Variants in WASF1 observed in about 807,000 individuals in gnomAD.
The protein encoded by WASF1 is actin-binding protein WASF1.
WASF1 carries 7 observed loss-of-function variants against 50.5 expected under a neutral mutation model. The observed-to-expected ratio is 0.14, with a 90% CI of 0.08 to 0.26. WASF1 has a LOEUF of 0.26. Ranked by LOEUF, WASF1 falls within the 10% of genes least tolerant of loss-of-function variation. The pLI is 1.00. For synonymous variants in WASF1, 205 were observed against 244.0 expected, an observed-to-expected ratio of 0.84 and a Z score of 1.49; for missense variants, 470 against 694.7, an observed-to-expected ratio of 0.68 and a Z score of 3.64.
At chr6:110,143,649 G>A (rs78934428) in intron 3 of WASF1, among the ~76,000 whole-genome samples, 11,073 of 152,032 alleles carry the variant, frequency 0.073, 549 homozygotes, top group African/African-American at 0.14. Context: ...AGATGTCACA[G>A]AAATAATTAC....
chr6:110,178,311 G>A (rs186952828), intron 2 of WASF1, among the ~76,000 whole-genome samples: 2 of 152,170 alleles, frequency 1.3e-5, no homozygotes, highest in Admixed American at 6.5e-5. Flanking sequence ...CAGAAACTTA[G>A]AGCATAAAGG....
Position 110,107,140 on chromosome 6 carries a change from A to G in WASF1, c.477T>C (p.Asp159=). The G allele has an allele frequency of 6.2e-7, 1 of 1,608,800 alleles. No individual in the cohort carries two copies. Among genetic ancestry groups the G allele is most frequent in the Non-Finnish European group, 8.5e-7 (1 of 1,178,636 alleles). The change falls in exon 7 of 11, where the codon GAT becomes GAC. Residue 159 remains aspartate (D), a synonymous_variant. Transcript: ENST00000392589. ...CTTGCAACATTTTTTCTTTCCATAG[A>G]TCAAAGAAATACGAAGGATTGGTAT... ...KFYTNPSYFF[D]LWKEKMLQDT...
chr6:110,145,605 G>T (rs192620086), intron 3 of WASF1, among the ~76,000 whole-genome samples: 16 of 152,082 alleles, frequency 1.1e-4, no homozygotes, highest in African/African-American at 3.6e-4. Context: ...TTTGTCATAG[G>T]TAGCTCTTAT....
At chr6:110,123,817 A>G (rs1009437328) in intron 4 of WASF1, among the ~76,000 whole-genome samples, 1 of 152,220 alleles carries the variant, frequency 6.6e-6, no homozygotes, top group Non-Finnish European at 1.5e-5. Context: ...TTATTCAACA[A>G]TTGGTAGGGA....
intron 4 of WASF1, among the ~76,000 whole-genome samples, chr6:110,122,239 C>CAAA (rs55836821): frequency 0.022 from 2,496 of 114,120 alleles, 75 homozygotes; most frequent in African/African-American, 0.072. Context: ...AAATGGAATC[C>CAAA]AAAAAAAAAA....
intron 5 of WASF1, among the ~76,000 whole-genome samples, chr6:110,111,246 T>C (rs192722799): frequency 6.6e-6 from 1 of 152,314 alleles, no homozygotes; most frequent in Non-Finnish European, 1.5e-5. Flanking sequence ...ATTTTGGCTA[T>C]AAATTATGTA....
chr6:110,153,925 G>A (rs1373627951), intron 3 of WASF1, among the ~76,000 whole-genome samples: 1 of 152,116 alleles, frequency 6.6e-6, no homozygotes, highest in Non-Finnish European at 1.5e-5. Flanking sequence ...TGATAAGAGG[G>A]ACTGTGCTTG....
chr6:110,112,490 A>G (rs1273152891), intron 5 of WASF1, among the ~76,000 whole-genome samples: 1 of 152,216 alleles, frequency 6.6e-6, no homozygotes, highest in African/African-American at 2.4e-5. Flanking sequence ...TTGGTATAGA[A>G]TGTTTACACC....
chr6:110,102,531 G>A (rs1366494083), intron 9 of WASF1, among the ~76,000 whole-genome samples: 1 of 152,092 alleles, frequency 6.6e-6, no homozygotes, highest in Non-Finnish European at 1.5e-5. Flanking sequence ...ATACTGACAG[G>A]AGTCTCTATA....
chr6:110,141,331 T>G (rs948982948), intron 3 of WASF1, among the ~76,000 whole-genome samples: 3 of 152,300 alleles, frequency 2.0e-5, no homozygotes, highest in Non-Finnish European at 4.4e-5. Context: ...CTTACTGTTT[T>G]ATAGTCCTGC....
At chr6:110,163,866 A>T (rs1776363084) in intron 2 of WASF1, among the ~76,000 whole-genome samples, 1 of 151,578 alleles carries the variant, frequency 6.6e-6, no homozygotes, top group Non-Finnish European at 1.5e-5. Flanking sequence ...GAAATAGAAA[A>T]ATAGTTCAAT....
At chr6:110,103,238 T>C (rs999521288) in intron 9 of WASF1, 140 bp downstream of exon 9, 3 of 814,442 alleles carry the variant, frequency 3.7e-6, no homozygotes, top group Non-Finnish European at 5.7e-6. Flanking sequence ...CTATGGTGGC[T>C]TTCATGCAAC....
chr6:110,119,174 G>A (rs1325351832), intron 4 of WASF1, among the ~76,000 whole-genome samples: 4 of 152,052 alleles, frequency 2.6e-5, no homozygotes, highest in Non-Finnish European at 5.9e-5. Flanking sequence ...GCTAGCAGAA[G>A]GCAAGAGATA....
chr6:110,130,239 C>A (rs898909308), intron 3 of WASF1, among the ~76,000 whole-genome samples: 4 of 152,140 alleles, frequency 2.6e-5, no homozygotes, highest in African/African-American at 7.2e-5. Context: ...AAATTGTACA[C>A]CTCAAAAATT....
chr6:110,158,372 A>C (rs1395587182), intron 3 of WASF1, among the ~76,000 whole-genome samples: 2 of 118,538 alleles, frequency 1.7e-5, no homozygotes, highest in Non-Finnish European at 3.4e-5. Flanking sequence ...CTCTGATGGT[A>C]GTTTGTATTT....
chr6:110,140,947 C>T (rs1170997350), intron 3 of WASF1, among the ~76,000 whole-genome samples: 4 of 152,072 alleles, frequency 2.6e-5, no homozygotes, highest in Admixed American at 2.6e-4. Context: ...TGTGGATATG[C>T]TAGACAAAAG....
At chr6:110,133,512 T>G (rs78365468) in intron 3 of WASF1, among the ~76,000 whole-genome samples, 4,997 of 152,294 alleles carry the variant, frequency 0.033, 145 homozygotes, top group South Asian at 0.12. Context: ...ACTAGCAGTG[T>G]GAAAGTGCTC....
intron 9 of WASF1, among the ~76,000 whole-genome samples, chr6:110,102,892 C>T (rs1773155948): frequency 2.0e-5 from 3 of 152,154 alleles, no homozygotes; most frequent in African/African-American, 7.2e-5. Context: ...TAAGCAACTG[C>T]CAATCCTCTC....
chr6:110,130,493 T>C (rs1361925151), intron 3 of WASF1, among the ~76,000 whole-genome samples: 1 of 152,238 alleles, frequency 6.6e-6, no homozygotes, highest in Non-Finnish European at 1.5e-5. Flanking sequence ...TACATATTAT[T>C]TTATGCCTTG....
Sources: allele counts gnomAD v4.1 joint callset (sites outside exome capture counted in the v4.1 genomes callset), GRCh38; gene constraint gnomAD v4.1.1; transcripts MANE v1.5; gene names NCBI Gene and HGNC (gene_info 2026-07-23, HGNC 2026-07-21).